EXOC6B: variants seen among roughly 807,000 people sequenced by gnomAD.
EXOC6B encodes the protein exocyst complex component 6B, also known as SEC15 homolog B.
In EXOC6B, 54 loss-of-function variants were observed where a neutral mutation model predicts 113.5. That is an observed-to-expected ratio of 0.48 (90% CI 0.38 to 0.60). The LOEUF (loss-of-function observed/expected upper bound fraction) is 0.60, where lower values mean the gene tolerates loss of function less well. EXOC6B is among the 20% of genes least tolerant of loss of function. The pLI, the probability that EXOC6B is intolerant of heterozygous loss-of-function variation, is 0.00. For missense variants in EXOC6B, 797 were observed against 977.5 expected (o/e 0.82, Z 2.46); for synonymous variants, 357 against 339.0 (o/e 1.05, Z -0.58).
At position 72,386,031 on chromosome 2, in the gene EXOC6B, A is replaced by G. The variant is rs143945620; in HGVS notation, c.1981-6161T>C. 6.6e-5 allele frequency among the ~76,000 whole-genome samples: 10 copies of G among 152,292 alleles called. No individual in the cohort carries two copies. In the East Asian group the frequency reaches 1.7e-3, roughly 26 times the overall value. ...ATGAATATATACCCAAAGGATATGAAATCAGTATGTCAAAAAGACACCTGC... is the reference window on the plus strand; with the variant it reads ...ATGAATATATACCCAAAGGATATGAGATCAGTATGTCAAAAAGACACCTGC... On this transcript the variant is annotated intron_variant, in intron 18 of 21. Transcript: ENST00000272427.
chr2:72,518,483 G>GGTGTGTGTGTGT (rs138382972), intron 8 of EXOC6B, among the ~76,000 whole-genome samples: 2 of 143,382 alleles, frequency 1.4e-5, no homozygotes, highest in African/African-American at 5.1e-5. Context: ...ATTAAAGTAG[G>GGTGTGTGTGTGT]GTGTGTGTGT....
At chr2:72,815,945 G>T (rs1008582927) in intron 1 of EXOC6B, among the ~76,000 whole-genome samples, 2 of 152,184 alleles carry the variant, frequency 1.3e-5, no homozygotes, top group Admixed American at 6.5e-5. Flanking sequence ...GATCATTTGA[G>T]GTCAGGAGCT....
intron 6 of EXOC6B, among the ~76,000 whole-genome samples, chr2:72,710,293 C>A (rs1679188472): frequency 6.6e-6 from 1 of 152,126 alleles, no homozygotes; most frequent in African/African-American, 2.4e-5. Context: ...CTCACCCCAA[C>A]TCAATATCAG....
chr2:72,652,827 T>C (rs1298015261), intron 6 of EXOC6B, among the ~76,000 whole-genome samples: 5 of 148,308 alleles, frequency 3.4e-5, no homozygotes, highest in Non-Finnish European at 7.4e-5. Context: ...ATATTTTATA[T>C]ATAATATATA....
chr2:72,611,007 C>CTAA (rs2104086421), intron 6 of EXOC6B, among the ~76,000 whole-genome samples: 1 of 152,180 alleles, frequency 6.6e-6, no homozygotes, highest in Non-Finnish European at 1.5e-5. Flanking sequence ...ATATCCCACT[C>CTAA]TAATAATAAG....
chr2:72,728,620 A>G (rs906549791), intron 5 of EXOC6B, among the ~76,000 whole-genome samples: 4 of 152,174 alleles, frequency 2.6e-5, no homozygotes, highest in African/African-American at 9.7e-5. Context: ...GGACTCAACC[A>G]GCATCTTGGA....
intron 18 of EXOC6B, among the ~76,000 whole-genome samples, chr2:72,401,494 CATATATATATATATAT>C (rs1170388566): frequency 3.4e-5 from 2 of 59,644 alleles, no homozygotes; most frequent in Admixed American, 2.0e-4. Context: ...ATTTTATATA[CATATATATATATATAT>C]ATATACATAT....
intron 1 of EXOC6B, among the ~76,000 whole-genome samples, chr2:72,801,040 T>C (rs1685246168): frequency 6.6e-6 from 1 of 152,156 alleles, no homozygotes. Flanking sequence ...TTACAGTGCT[T>C]AGGAATATCA....
chr2:72,700,237 AACACACACAC>A (rs3034948), intron 6 of EXOC6B, among the ~76,000 whole-genome samples: 3 of 142,316 alleles, frequency 2.1e-5, no homozygotes, highest in Non-Finnish European at 4.6e-5. Flanking sequence ...AGACCACAGA[AACACACACAC>A]ACACACACAC....
chr2:72,184,621 A>G (rs1678303359), intron 20 of EXOC6B, among the ~76,000 whole-genome samples: 1 of 152,214 alleles, frequency 6.6e-6, no homozygotes, highest in South Asian at 2.1e-4. Flanking sequence ...CCACATATAC[A>G]ATTGTTTGAA....
chr2:72,447,264 G>C (rs987264435), intron 18 of EXOC6B, among the ~76,000 whole-genome samples: 1 of 152,058 alleles, frequency 6.6e-6, no homozygotes, highest in African/African-American at 2.4e-5. Context: ...AGTTACTTGA[G>C]GGAAGGACCA....
At chr2:72,503,690 A>C (rs1380578730) in intron 11 of EXOC6B, among the ~76,000 whole-genome samples, 1 of 152,130 alleles carries the variant, frequency 6.6e-6, no homozygotes, top group African/African-American at 2.4e-5. Context: ...TAAGTTTTCA[A>C]CTCATTTGGA....
At chr2:72,408,866 G>C (rs1345024018) in intron 18 of EXOC6B, among the ~76,000 whole-genome samples, 3 of 152,290 alleles carry the variant, frequency 2.0e-5, no homozygotes, top group African/African-American at 2.4e-5. Flanking sequence ...ATTGACAAAT[G>C]GGATCTCATT....
At chr2:72,670,964 A>C (rs1450198215) in intron 6 of EXOC6B, among the ~76,000 whole-genome samples, 4 of 152,002 alleles carry the variant, frequency 2.6e-5, no homozygotes, top group African/African-American at 9.7e-5. Context: ...AATTCAATCC[A>C]ATCACTCTAC....
chr2:72,305,608 T>C (rs1049967379), intron 20 of EXOC6B, among the ~76,000 whole-genome samples: 1 of 152,160 alleles, frequency 6.6e-6, no homozygotes, highest in East Asian at 1.9e-4. Context: ...AGATCTAATA[T>C]GATCCTTGGA....
At chr2:72,328,675 G>A (rs1688271112) in intron 20 of EXOC6B, among the ~76,000 whole-genome samples, 1 of 152,124 alleles carries the variant, frequency 6.6e-6, no homozygotes, top group African/African-American at 2.4e-5. Flanking sequence ...TGCAGGACAT[G>A]CAGTGGCTCT....
At chr2:72,722,457 TTTTTG>T (rs911286412) in intron 5 of EXOC6B, among the ~76,000 whole-genome samples, 4 of 152,214 alleles carry the variant, frequency 2.6e-5, no homozygotes, top group African/African-American at 4.8e-5. Context: ...TTACTTGGTT[TTTTTG>T]TTTTGTTTTG....
intron 20 of EXOC6B, among the ~76,000 whole-genome samples, chr2:72,261,861 C>T (rs566235486): frequency 2.6e-5 from 4 of 152,234 alleles, no homozygotes; most frequent in South Asian, 2.1e-4. Flanking sequence ...ACTTTAGCAG[C>T]GTCCTCCTTC....
intron 5 of EXOC6B, 30 bp from the exon 6 acceptor site, chr2:72,718,337 A>C: frequency 6.6e-5 from 105 of 1,588,156 alleles, no homozygotes; most frequent in Non-Finnish European, 8.1e-5. Context: ...CCTTTAGCTC[A>C]CTCAGTTTTC....
Sources: gnomAD v4.1 joint callset for allele counts (sites outside exome capture counted in the v4.1 genomes callset) on GRCh38, gnomAD v4.1.1 for gene constraint, MANE v1.5 for transcripts, NCBI Gene and HGNC (gene_info 2026-07-23, HGNC 2026-07-21) for gene names.